Variants in FSTL5 observed in about 807,000 individuals in gnomAD.
FSTL5 encodes follistatin like 5, also known as follistatin-related protein 5.
A neutral mutation model predicts 89.1 loss-of-function variants in FSTL5; 62 were observed. The observed-to-expected ratio is 0.70, with a 90% confidence interval of 0.57 to 0.86. The LOEUF is 0.86. Ranked by LOEUF, FSTL5 falls within the 40% of genes least tolerant of loss-of-function variation. FSTL5 has a pLI of 0.00. For synonymous variants in FSTL5, 383 were observed against 346.2 expected (o/e 1.11, Z -1.18); for missense variants, 1,057 against 1,001.6 (o/e 1.06, Z -0.75).
chr4:162,038,952 G>C (rs1035889207), intron 2 of FSTL5, among the ~76,000 whole-genome samples: 1 of 151,504 alleles, frequency 6.6e-6, no homozygotes, highest in Non-Finnish European at 1.5e-5. Flanking sequence ...CTATTTTAAG[G>C]GAGAGCCATA....
At chr4:161,937,626 G>A (rs1307329459) in intron 3 of FSTL5, among the ~76,000 whole-genome samples, 2 of 152,182 alleles carry the variant, frequency 1.3e-5, no homozygotes, top group Non-Finnish European at 2.9e-5. Flanking sequence ...CCATAAAGCA[G>A]TATACAATTC....
intron 10 of FSTL5, 103 bp downstream of exon 10, chr4:161,538,063 T>G: frequency 1.0e-6 from 1 of 992,904 alleles, no homozygotes; most frequent in Non-Finnish European, 1.5e-6. Flanking sequence ...TTATAATGCA[T>G]TGTGCAATTC....
At chr4:162,161,340 A>G (rs1561052908) in intron 1 of FSTL5, among the ~76,000 whole-genome samples, 1 of 151,942 alleles carries the variant, frequency 6.6e-6, no homozygotes. Flanking sequence ...GTTTCAGTGG[A>G]AATGTTATTC....
chr4:161,879,061 T>C (rs949426770), intron 4 of FSTL5, among the ~76,000 whole-genome samples: 2 of 152,172 alleles, frequency 1.3e-5, no homozygotes, highest in Non-Finnish European at 2.9e-5. Context: ...AAGCAAACTA[T>C]GTCTTTCTTC....
intron 3 of FSTL5, among the ~76,000 whole-genome samples, chr4:161,992,945 T>TAA (rs1324578087): frequency 1.7e-4 from 1 of 6,014 alleles, no homozygotes; most frequent in Non-Finnish European, 5.3e-4. Context: ...TATATATGTG[T>TAA]GTATATCTAT....
intron 4 of FSTL5, among the ~76,000 whole-genome samples, chr4:161,848,712 G>A (rs981534129): frequency 8.5e-5 from 13 of 152,104 alleles, no homozygotes; most frequent in South Asian, 4.2e-4. Context: ...ACTCCATATC[G>A]TCGTCATTTG....
chr4:161,980,073 G>A (rs116557595), intron 3 of FSTL5, among the ~76,000 whole-genome samples: 1,864 of 134,320 alleles, frequency 0.014, 15 homozygotes, highest in Non-Finnish European at 0.022. Context: ...GAGAAAGAGA[G>A]AAAGAAAGAA....
chr4:161,791,978 G>T (rs1367173799), intron 4 of FSTL5, among the ~76,000 whole-genome samples: 1 of 152,148 alleles, frequency 6.6e-6, no homozygotes, highest in Non-Finnish European at 1.5e-5. Context: ...TTCCAAGATG[G>T]CCGGTTGGAT....
intron 4 of FSTL5, among the ~76,000 whole-genome samples, chr4:161,795,976 C>T (rs1560850972): frequency 6.6e-6 from 1 of 151,818 alleles, no homozygotes; most frequent in Non-Finnish European, 1.5e-5. Flanking sequence ...TGTAAACCCT[C>T]TTTGAAAACC....
intron 3 of FSTL5, among the ~76,000 whole-genome samples, chr4:161,934,953 C>T (rs1456016950): frequency 1.3e-5 from 2 of 152,116 alleles, no homozygotes; most frequent in African/African-American, 4.8e-5. Flanking sequence ...ATGATACATT[C>T]TCAGGTTAGC....
At chr4:162,094,365 T>C (rs1362148618) in intron 2 of FSTL5, among the ~76,000 whole-genome samples, 1 of 152,134 alleles carries the variant, frequency 6.6e-6, no homozygotes, top group African/African-American at 2.4e-5. Flanking sequence ...TTGACCTAAA[T>C]TTTAGGACCT....
intron 8 of FSTL5, among the ~76,000 whole-genome samples, chr4:161,557,712 A>T (rs769971917): frequency 5.3e-5 from 8 of 151,776 alleles, no homozygotes; most frequent in Non-Finnish European, 1.0e-4. Context: ...ACAGATTATC[A>T]TACTATCATA....
intron 6 of FSTL5, among the ~76,000 whole-genome samples, chr4:161,679,979 C>T (rs1182047217): frequency 6.6e-6 from 1 of 151,646 alleles, no homozygotes; most frequent in Admixed American, 6.6e-5. Flanking sequence ...CCAAAAAGTA[C>T]AAAACAATAT....
chr4:162,140,470 T>C (rs370576551), intron 1 of FSTL5, among the ~76,000 whole-genome samples: 1 of 152,180 alleles, frequency 6.6e-6, no homozygotes, highest in South Asian at 2.1e-4. Flanking sequence ...CAAGTCATCA[T>C]AAGGAAAGAA....
At chr4:161,734,947 T>A (rs1739759409) in intron 6 of FSTL5, among the ~76,000 whole-genome samples, 1 of 152,076 alleles carries the variant, frequency 6.6e-6, no homozygotes, top group Non-Finnish European at 1.5e-5. Flanking sequence ...CAGCCAGGTA[T>A]CCTCCAACTC....
At chr4:161,406,077 C>G (rs1221311392) in intron 15 of FSTL5, among the ~76,000 whole-genome samples, 1 of 152,036 alleles carries the variant, frequency 6.6e-6, no homozygotes, top group African/African-American at 2.4e-5. Context: ...AGAATTTGGA[C>G]AAAATCCTAT....
chr4:161,491,715 C>T (rs1243213976), intron 12 of FSTL5, among the ~76,000 whole-genome samples: 1 of 152,036 alleles, frequency 6.6e-6, no homozygotes, highest in Middle Eastern at 3.2e-3. Flanking sequence ...GTGGCACGCC[C>T]TTGTAATCCC....
At chr4:161,531,930 C>A (rs1037839868) in intron 10 of FSTL5, among the ~76,000 whole-genome samples, 1 of 152,048 alleles carries the variant, frequency 6.6e-6, no homozygotes, top group Non-Finnish European at 1.5e-5. Context: ...GAGGGCCGGG[C>A]GTGGTGGCTC....
chr4:162,108,566 C>A (rs1241730474), intron 2 of FSTL5, among the ~76,000 whole-genome samples: 1 of 151,606 alleles, frequency 6.6e-6, no homozygotes. Context: ...AAAATATAAT[C>A]TAAATGGATT....
Sources: allele counts gnomAD v4.1 joint callset (sites outside exome capture counted in the v4.1 genomes callset), GRCh38; gene constraint gnomAD v4.1.1; transcripts MANE v1.5; gene names NCBI Gene and HGNC (gene_info 2026-07-23, HGNC 2026-07-21).